The following FAM53A variants were observed in gnomAD, a reference collection of about 807,000 sequenced individuals.
The protein encoded by FAM53A is family with sequence similarity 53 member A.
Under a neutral mutation model 26.6 loss-of-function variants are expected in FAM53A, and 28 were observed. That is an observed-to-expected ratio of 1.05 (90% CI 0.78 to 1.45). The LOEUF is 1.45. Among genes scored for constraint, FAM53A ranks in the 40% most tolerant of loss-of-function variants. The probability of loss-of-function intolerance (pLI) is 0.00; values close to 1 mark genes in which losing one functional copy is unlikely to be tolerated. For synonymous variants in FAM53A, 290 were observed against 253.1 expected, an observed-to-expected ratio of 1.15 and a Z score of -1.38; for missense variants, 650 against 575.8, an observed-to-expected ratio of 1.13 and a Z score of -1.32.
chr4:1,589,466 G>C, the FAM53A span, among the ~76,000 whole-genome samples: 1 of 152,124 alleles, frequency 6.6e-6, no homozygotes, highest in Non-Finnish European at 1.5e-5. Flanking sequence ...ATAAAATGAG[G>C]TGCAGGACAT....
At chr4:1,645,566 G>C (rs1712165870) in intron 4 of FAM53A, among the ~76,000 whole-genome samples, 1 of 152,212 alleles carries the variant, frequency 6.6e-6, no homozygotes, top group African/African-American at 2.4e-5. Context: ...TCCACACAGA[G>C]GCAGAAGGAG....
chr4:1,651,260 G>A (rs62287695), intron 4 of FAM53A, among the ~76,000 whole-genome samples: 31,884 of 146,112 alleles, frequency 0.22, 3,852 homozygotes, highest in Middle Eastern at 0.31. Context: ...GGCCGGGCAC[G>A]GTGGCTCACA....
rs200272567 is a variant in FAM53A, at chr4:1,655,169, C to T, written c.691G>A (p.Gly231Ser). The T allele has an allele frequency of 2.5e-6, 4 of 1,572,604 alleles. No individual in the cohort carries two copies. Among genetic ancestry groups the T allele is most frequent in the African/African-American group, 2.7e-5 (2 of 73,264 alleles). ...RPSLSQERLA[G>S]AGTPLPWASS... ...GCCCAGGGCAGGGGAGTGCCCGCACCCGCGAGTCGCTCCTGTGAGAGGGAC... is the reference window on the plus strand; with the variant it reads ...GCCCAGGGCAGGGGAGTGCCCGCACTCGCGAGTCGCTCCTGTGAGAGGGAC... The change falls in exon 4 of 5, where the codon GGT (glycine) becomes AGT (serine). Residue 231 changes from glycine to serine, a missense_variant. Gly to Ser is a moderately conservative substitution (Grantham distance 56, BLOSUM62 0). Transcript: ENST00000308132.
At chr4:1,676,450 G>C (rs76196879) in intron 1 of FAM53A, among the ~76,000 whole-genome samples, 4 of 152,120 alleles carry the variant, frequency 2.6e-5, no homozygotes, top group Admixed American at 6.6e-5. Context: ...GTACTGGGGG[G>C]GGTCAGGACT....
downstream of FAM53A, among the ~76,000 whole-genome samples, chr4:1,614,025 T>C (rs1714717770): frequency 6.6e-6 from 1 of 151,882 alleles, no homozygotes; most frequent in South Asian, 2.1e-4. Flanking sequence ...AGGAGGAGGG[T>C]GCCAGCTGGC....
the FAM53A span, among the ~76,000 whole-genome samples, chr4:1,583,170 C>T: frequency 2.0e-5 from 3 of 152,156 alleles, no homozygotes; most frequent in African/African-American, 7.2e-5. Flanking sequence ...GCCAGAGACC[C>T]AGCAAAATCA....
chr4:1,640,612 C>A lies in FAM53A; in HGVS notation c.*681G>T. 2.7e-6 allele frequency: 1 copy of A among 374,640 alleles called. No individual in the cohort carries two copies. 23.2% of individuals were successfully genotyped at this position (374,640 alleles called of 1,614,324 possible). A position where few individuals can be genotyped will look rare whatever the true frequency, so the allele number is the denominator to read the frequency against. On this transcript the variant is annotated 3_prime_UTR_variant, in exon 5 of 5. Coordinates refer to ENST00000308132, the MANE Select transcript of FAM53A (RefSeq NM_001174070.3). ...TTACGCCTTAATGTTCCAAGCAACACGAAACCTACTCTGTGCCCCAGGGCA... is the reference window on the plus strand; with the variant it reads ...TTACGCCTTAATGTTCCAAGCAACAAGAAACCTACTCTGTGCCCCAGGGCA...
chr4:1,622,350 C>T (rs2108747121), intron 1 of FAM53A, among the ~76,000 whole-genome samples: 1 of 152,328 alleles, frequency 6.6e-6, no homozygotes, highest in South Asian at 2.1e-4. Context: ...CAGCAGGAGC[C>T]CCCCGGCTGA....
intron 1 of FAM53A, among the ~76,000 whole-genome samples, chr4:1,623,243 T>C (rs1715129318): frequency 6.6e-6 from 1 of 152,154 alleles, no homozygotes; most frequent in Non-Finnish European, 1.5e-5. Context: ...AGGTGGACCC[T>C]GAGATGGGCC....
chr4:1,663,069 T>C (rs1040007525), intron 2 of FAM53A, among the ~76,000 whole-genome samples: 5 of 151,674 alleles, frequency 3.3e-5, no homozygotes, highest in African/African-American at 1.2e-4. Flanking sequence ...AGTGGTGGCA[T>C]GCGCCTGTAG....
chr4:1,684,752 T>C (rs1298335378), upstream of FAM53A, among the ~76,000 whole-genome samples: 2 of 152,056 alleles, frequency 1.3e-5, no homozygotes, highest in Non-Finnish European at 2.9e-5. Context: ...CCGCCTGCCG[T>C]CTGCCCGCTG....
the FAM53A span, among the ~76,000 whole-genome samples, chr4:1,587,220 C>T: frequency 6.6e-6 from 1 of 152,168 alleles, no homozygotes. Context: ...GTTTCCTTTA[C>T]TGTGCAAAAA....
chr4:1,672,452 G>T (rs539770928), intron 1 of FAM53A, among the ~76,000 whole-genome samples: 1 of 152,188 alleles, frequency 6.6e-6, no homozygotes, highest in Non-Finnish European at 1.5e-5. Context: ...GCCTCCTCAC[G>T]GGGTGGTGGG....
intron 4 of FAM53A, among the ~76,000 whole-genome samples, chr4:1,645,226 C>T (rs1356571042): frequency 1.3e-5 from 2 of 152,168 alleles, no homozygotes; most frequent in African/African-American, 2.4e-5. Context: ...CCACAGAGGC[C>T]CACAGGGCGC....
At chr4:1,589,578 C>T in the FAM53A span, among the ~76,000 whole-genome samples, 8 of 151,988 alleles carry the variant, frequency 5.3e-5, no homozygotes, top group South Asian at 2.1e-4. Flanking sequence ...CAATTTCTTT[C>T]TTTTTCTCAT....
chr4:1,643,392 G>A (rs1711930501), intron 4 of FAM53A, among the ~76,000 whole-genome samples: 1 of 151,826 alleles, frequency 6.6e-6, no homozygotes, highest in African/African-American at 2.4e-5. Flanking sequence ...CGTGAACCCG[G>A]GAGGCGGAGC....
At chr4:1,631,197 G>A (rs948333648) in intron 1 of FAM53A, among the ~76,000 whole-genome samples, 81 of 152,268 alleles carry the variant, frequency 5.3e-4, no homozygotes, top group African/African-American at 1.9e-3. Flanking sequence ...GACTTGGAGC[G>A]GGGCTGAGGC....
At chr4:1,592,653 C>A in the FAM53A span, among the ~76,000 whole-genome samples, 1 of 151,974 alleles carries the variant, frequency 6.6e-6, no homozygotes, top group African/African-American at 2.4e-5. Flanking sequence ...CACTGGAGAG[C>A]CTGGAAGCCT....
the FAM53A span, among the ~76,000 whole-genome samples, chr4:1,581,668 C>T: frequency 4.6e-5 from 7 of 152,200 alleles, no homozygotes; most frequent in East Asian, 1.9e-4. Context: ...GCAGTCTTGG[C>T]TCACTGCGAC....
Sources: allele counts gnomAD v4.1 joint callset (sites outside exome capture counted in the v4.1 genomes callset), GRCh38; gene constraint gnomAD v4.1.1; transcripts MANE v1.5; gene names NCBI Gene and HGNC (gene_info 2026-07-23, HGNC 2026-07-21).